The following RAB27B variants were observed in gnomAD, a reference collection of about 807,000 sequenced individuals.
RAB27B encodes the protein ras-related protein Rab-27B.
Under a neutral mutation model 24.6 loss-of-function variants are expected in RAB27B, and 15 were observed. That is an observed-to-expected ratio of 0.61 (90% CI 0.41 to 0.94). The LOEUF (loss-of-function observed/expected upper bound fraction) is 0.94. RAB27B is among the 40% of genes least tolerant of loss of function. The pLI, the probability that RAB27B is intolerant of heterozygous loss-of-function variation, is 0.00. For synonymous variants in RAB27B, 105 were observed against 92.5 expected (o/e 1.14, Z -0.78); for missense variants, 261 against 266.8 (o/e 0.98, Z 0.15).
At chr18:54,731,851 T>C (rs915223172) in intron 2 of RAB27B, among the ~76,000 whole-genome samples, 2 of 152,194 alleles carry the variant, frequency 1.3e-5, no homozygotes, top group African/African-American at 4.8e-5. Flanking sequence ...AAAAAATTAT[T>C]TTGTAGGCTA....
At chr18:54,758,073 T>C (rs1908064400) in intron 2 of RAB27B, among the ~76,000 whole-genome samples, 2 of 152,160 alleles carry the variant, frequency 1.3e-5, no homozygotes, top group Non-Finnish European at 2.9e-5. Context: ...GTAAGATCAA[T>C]GCTGTGCTTT....
intron 1 of RAB27B, among the ~76,000 whole-genome samples, chr18:54,830,819 C>G (rs1402673524): frequency 6.6e-6 from 1 of 152,140 alleles, no homozygotes. Context: ...TTAAATAAGA[C>G]AAACTTGTCT....
chr18:54,735,703 G>A (rs1833301), intron 2 of RAB27B, among the ~76,000 whole-genome samples: 9,350 of 152,084 alleles, frequency 0.061, 361 homozygotes, highest in African/African-American at 0.087. Flanking sequence ...TATATTTTTA[G>A]TAGACAAAGG....
At chr18:54,845,413 A>AAAAG in intron 1 of RAB27B, among the ~76,000 whole-genome samples, 1 of 151,888 alleles carries the variant, frequency 6.6e-6, no homozygotes, top group South Asian at 2.1e-4. Flanking sequence ...CTCAAAAAAA[A>AAAAG]AAAAAATAAA....
intron 2 of RAB27B, among the ~76,000 whole-genome samples, chr18:54,728,885 A>AAC (rs1909630980): frequency 1.0e-5 from 1 of 98,014 alleles, no homozygotes; most frequent in Non-Finnish European, 2.2e-5. Flanking sequence ...CAAAAAAAAA[A>AAC]AAAAAAAAAA....
chr18:54,820,674 G>A (rs1367849418), intron 2 of RAB27B, among the ~76,000 whole-genome samples: 2 of 152,092 alleles, frequency 1.3e-5, no homozygotes, highest in East Asian at 1.9e-4. Flanking sequence ...TGGTGTTTTA[G>A]ACATGAAGTC....
chr18:54,780,614 G>A (rs955683373), intron 2 of RAB27B, among the ~76,000 whole-genome samples: 1 of 152,088 alleles, frequency 6.6e-6, no homozygotes, highest in South Asian at 2.1e-4. Flanking sequence ...GACACCATTC[G>A]TATTGGATTA....
chr18:54,759,009 G>A (rs929781737), intron 2 of RAB27B, among the ~76,000 whole-genome samples: 2 of 152,184 alleles, frequency 1.3e-5, no homozygotes, highest in Non-Finnish European at 2.9e-5. Context: ...CTTACAAGAA[G>A]TAAAGAAACA....
chr18:54,803,685 G>A (rs1429772495), intron 2 of RAB27B, among the ~76,000 whole-genome samples: 4 of 152,182 alleles, frequency 2.6e-5, no homozygotes, highest in Non-Finnish European at 5.9e-5. Context: ...CTTGGGATAT[G>A]TCTTGGAGTT....
intron 2 of RAB27B, among the ~76,000 whole-genome samples, chr18:54,751,617 A>G (rs2145032957): frequency 6.6e-6 from 1 of 152,320 alleles, no homozygotes; most frequent in Non-Finnish European, 1.5e-5. Flanking sequence ...TGCCCCTACA[A>G]AACTCAGAAG....
Position 54,805,245 on chromosome 18 carries a change from T to A in RAB27B, c.-19-72322T>A, listed in dbSNP as rs1338922900. The stretch of plus-strand genomic sequence containing the variant: ...TGGGAATCTTATCAAGTGCCAGGGA[T>A]GTAGCTGGAAGACAACTCTCGTAGA... On this transcript the variant is annotated intron_variant, in intron 2 of 4. Transcript: ENST00000586570. Among the ~76,000 whole-genome samples, 3 of 152,278 alleles carry A rather than the reference T, an allele frequency of 2.0e-5. No individual in the cohort carries two copies. In the East Asian group the frequency reaches 5.8e-4, roughly 29 times the overall value.
chr18:54,834,027 C>G (rs1268925880), intron 1 of RAB27B, among the ~76,000 whole-genome samples: 5 of 152,150 alleles, frequency 3.3e-5, no homozygotes, highest in Non-Finnish European at 5.9e-5. Flanking sequence ...CTAAACAACC[C>G]TCAAGCTCTC....
chr18:54,800,739 T>C (rs1909574709), intron 2 of RAB27B, among the ~76,000 whole-genome samples: 1 of 152,212 alleles, frequency 6.6e-6, no homozygotes, highest in Admixed American at 6.5e-5. Flanking sequence ...TATGATGCTG[T>C]AAATTAGCCT....
intron 2 of RAB27B, among the ~76,000 whole-genome samples, chr18:54,794,453 A>C (rs921651145): frequency 2.0e-5 from 3 of 152,246 alleles, no homozygotes; most frequent in Non-Finnish European, 2.9e-5. Flanking sequence ...TAAGTTTGAC[A>C]TGAGCTCTTA....
In RAB27B at chr18:54,724,982, G is replaced by A. The variant is rs147003709; in HGVS notation, c.-20+6841G>A. Among the ~76,000 whole-genome samples the A allele has an allele frequency of 7.3e-5, 11 of 151,648 alleles. 1 individual carries two copies. The highest frequency in any genetic ancestry group is 2.1e-4 in the South Asian group (1 of 4,722). On this transcript the variant is annotated intron_variant, in intron 2 of 4. Coordinates refer to the RAB27B transcript ENST00000586570. ...AGGAATGAGACTTGTACTTTAGGGCGCAGTAAGAGAACTTTTCTAGACCAA... is the reference window on the plus strand; with the variant it reads ...AGGAATGAGACTTGTACTTTAGGGCACAGTAAGAGAACTTTTCTAGACCAA...
intron 2 of RAB27B, among the ~76,000 whole-genome samples, chr18:54,787,728 TAA>T (rs1263474028): frequency 3.6e-5 from 5 of 140,818 alleles, no homozygotes; most frequent in Admixed American, 1.4e-4. Context: ...CTGACTGGAT[TAA>T]AAAAAAAAAA....
chr18:54,839,859 T>C (rs73956707), intron 1 of RAB27B, among the ~76,000 whole-genome samples: 33,149 of 152,196 alleles, frequency 0.22, 4,017 homozygotes, highest in African/African-American at 0.32. Context: ...TTATGAAATT[T>C]ATTCCAGTGA....
At chr18:54,812,106 G>A (rs1455181460) in intron 2 of RAB27B, among the ~76,000 whole-genome samples, 1 of 152,104 alleles carries the variant, frequency 6.6e-6, no homozygotes, top group East Asian at 1.9e-4. Context: ...CCTTTCTCTT[G>A]CTATTGTCTT....
At chr18:54,823,412 G>A (rs1043616263) in intron 2 of RAB27B, among the ~76,000 whole-genome samples, 1 of 143,430 alleles carries the variant, frequency 7.0e-6, no homozygotes, top group Non-Finnish European at 1.5e-5. Flanking sequence ...GATCTCATCA[G>A]TGAGGGGGTC....
Sources: allele counts gnomAD v4.1 joint callset (sites outside exome capture counted in the v4.1 genomes callset), GRCh38; gene constraint gnomAD v4.1.1; transcripts MANE v1.5; gene names NCBI Gene and HGNC (gene_info 2026-07-23, HGNC 2026-07-21).